Variants in SHLD2 observed in about 807,000 individuals in gnomAD.
SHLD2 encodes RINN1-REV7-interacting novel NHEJ regulator 2.
Under a neutral mutation model 73.2 loss-of-function variants are expected in SHLD2, and 30 were observed. The observed-to-expected ratio is 0.41, with a 90% CI of 0.31 to 0.56. The LOEUF (loss-of-function observed/expected upper bound fraction) is 0.56, where lower values mean the gene tolerates loss of function less well. SHLD2 is among the 20% of genes least tolerant of loss of function. The pLI is 0.28. For synonymous variants in SHLD2, 285 were observed against 370.1 expected, an observed-to-expected ratio of 0.77 and a Z score of 2.64; for missense variants, 745 against 1,055.9, an observed-to-expected ratio of 0.71 and a Z score of 4.08.
At chr10:87,172,019 T>C (rs1375246573) in intron 6 of SHLD2, among the ~76,000 whole-genome samples, 1 of 152,200 alleles carries the variant, frequency 6.6e-6, no homozygotes, top group African/African-American at 2.4e-5. Context: ...GTGAATATTC[T>C]TTTAAAATTA....
intron 4 of SHLD2, among the ~76,000 whole-genome samples, chr10:87,163,961 C>CTTT (rs201405790): frequency 8.5e-6 from 1 of 117,904 alleles, no homozygotes; most frequent in Non-Finnish European, 1.8e-5. Flanking sequence ...CTTTTCTTTT[C>CTTT]TTTTTTTTTT....
At chr10:87,106,420 A>AGG (rs34097912) in intron 2 of SHLD2, among the ~76,000 whole-genome samples, 20 of 152,130 alleles carry the variant, frequency 1.3e-4, no homozygotes, top group African/African-American at 2.9e-4. Flanking sequence ...AATTTACAAA[A>AGG]GGGGGGGAAC....
chr10:87,156,803 T>C (rs1846463214), intron 3 of SHLD2, among the ~76,000 whole-genome samples: 1 of 152,196 alleles, frequency 6.6e-6, no homozygotes, highest in Admixed American at 6.5e-5. Flanking sequence ...GTACTAGCTC[T>C]TCCTGGCTAG....
At chr10:87,190,073 T>C (rs1848948268) in intron 9 of SHLD2, among the ~76,000 whole-genome samples, 1 of 152,194 alleles carries the variant, frequency 6.6e-6, no homozygotes, top group Non-Finnish European at 1.5e-5. Flanking sequence ...TGTTTATTTA[T>C]TTAGAGACAG....
At chr10:87,167,804 C>T (rs1847309798) in intron 4 of SHLD2, among the ~76,000 whole-genome samples, 1 of 151,916 alleles carries the variant, frequency 6.6e-6, no homozygotes, top group South Asian at 2.1e-4. Flanking sequence ...GCCCCCATGC[C>T]CAGCTAATTT....
intron 2 of SHLD2, among the ~76,000 whole-genome samples, chr10:87,123,309 CT>C (rs908379368): frequency 1.1e-4 from 17 of 151,456 alleles, no homozygotes; most frequent in African/African-American, 4.1e-4. Flanking sequence ...TTTCTTTTTT[CT>C]TTTTTTTCTA....
chr10:87,170,432 A>T, intron 4 of SHLD2, 46 bp from the exon 5 acceptor site: 1 of 1,269,538 alleles, frequency 7.9e-7, no homozygotes, highest in African/African-American at 1.5e-5. Context: ...GAAGAAAAAT[A>T]TAATGTTGCC....
intron 1 of SHLD2, among the ~76,000 whole-genome samples, chr10:87,096,629 C>G (rs999315476): frequency 2.0e-5 from 3 of 152,110 alleles, no homozygotes; most frequent in African/African-American, 7.2e-5. Flanking sequence ...TGCCAAACAC[C>G]ACATTACTAG....
intron 2 of SHLD2, among the ~76,000 whole-genome samples, chr10:87,151,067 C>A (rs1342807487): frequency 6.6e-6 from 1 of 152,122 alleles, no homozygotes; most frequent in Admixed American, 6.5e-5. Flanking sequence ...TCGTGATCCA[C>A]CCGCCTCGGC....
chr10:87,161,736 A>G (rs1846831829), intron 4 of SHLD2, among the ~76,000 whole-genome samples: 1 of 152,234 alleles, frequency 6.6e-6, no homozygotes, highest in Non-Finnish European at 1.5e-5. Flanking sequence ...ATGAAAATAT[A>G]TATGTTATGG....
chr10:87,103,432 C>T (rs577771140), intron 2 of SHLD2, among the ~76,000 whole-genome samples: 10 of 152,052 alleles, frequency 6.6e-5, no homozygotes, highest in Admixed American at 1.3e-4. Context: ...TGGTTCAAGG[C>T]AATTTGATCA....
chr10:87,153,235 C>G (rs576166622), intron 3 of SHLD2, among the ~76,000 whole-genome samples: 108 of 152,192 alleles, frequency 7.1e-4, no homozygotes, highest in African/African-American at 2.6e-3. Flanking sequence ...CCAGCCTTGG[C>G]AACACAGAAC....
intron 2 of SHLD2, among the ~76,000 whole-genome samples, chr10:87,146,508 G>C (rs1845620354): frequency 6.6e-6 from 1 of 151,732 alleles, no homozygotes; most frequent in Non-Finnish European, 1.5e-5. Context: ...TGGGCAGGCT[G>C]GTCTCAAACT....
chr10:87,126,596 G>A (rs1300269880), intron 2 of SHLD2, among the ~76,000 whole-genome samples: 2 of 151,970 alleles, frequency 1.3e-5, no homozygotes, highest in African/African-American at 4.8e-5. Flanking sequence ...AAGAAGTCAG[G>A]GACATTATGG....
intron 4 of SHLD2, among the ~76,000 whole-genome samples, chr10:87,159,734 G>C (rs983012789): frequency 6.6e-6 from 1 of 152,146 alleles, no homozygotes; most frequent in Non-Finnish European, 1.5e-5. Context: ...TCAGGGAAGA[G>C]GGACAATCTA....
At chr10:87,140,199 C>G (rs3129345) in intron 2 of SHLD2, among the ~76,000 whole-genome samples, 42,034 of 151,724 alleles carry the variant, frequency 0.28, 6,868 homozygotes, top group East Asian at 0.74. Flanking sequence ...GGGTGCAGAT[C>G]ATTTGAGATC....
chr10:87,159,196 A>C (rs1448738092), intron 4 of SHLD2, among the ~76,000 whole-genome samples: 2 of 152,082 alleles, frequency 1.3e-5, no homozygotes, highest in Non-Finnish European at 2.9e-5. Context: ...TGAATTCTTA[A>C]AGAAAGGCAG....
At position 87,152,275 on chromosome 10, in the gene SHLD2, A is replaced by G. The variant is rs765237413; in HGVS notation, c.921A>G (p.Ala307=). The G allele has an allele frequency of 6.5e-7, 1 of 1,535,676 alleles. No homozygotes were observed. Among genetic ancestry groups the G allele is most frequent in the Admixed American group, 1.8e-5 (1 of 54,228 alleles). Residue 307 remains alanine, a synonymous_variant, in exon 3 of 10, where the codon GCA becomes GCG. Transcript: ENST00000298786. ...TEAYESGQNQ[A]YSLELFSPVC... is the part of the protein sequence containing the mutation. ...CATATGAAAGTGGACAAAACCAAGCATATTCCCTTGAACTTTTTAGTCCTG... is the reference window on the plus strand; with the variant it reads ...CATATGAAAGTGGACAAAACCAAGCGTATTCCCTTGAACTTTTTAGTCCTG...
chr10:87,124,799 C>A (rs1189872222), intron 2 of SHLD2, among the ~76,000 whole-genome samples: 3 of 146,236 alleles, frequency 2.1e-5, no homozygotes, highest in Non-Finnish European at 3.0e-5. Flanking sequence ...AGGCTGAGTG[C>A]AATGACATCA....
Sources: allele counts gnomAD v4.1 joint callset (sites outside exome capture counted in the v4.1 genomes callset), GRCh38; gene constraint gnomAD v4.1.1; transcripts MANE v1.5; gene names NCBI Gene and HGNC (gene_info 2026-07-23, HGNC 2026-07-21).